Variants in NEURL1B observed in about 807,000 individuals in gnomAD.
The protein encoded by NEURL1B is neuralized E3 ubiquitin protein ligase 1B, also known as E3 ubiquitin-protein ligase NEURL1B.
NEURL1B carries 13 observed loss-of-function variants against 37.4 expected under a neutral mutation model. The ratio of observed to expected loss-of-function variants is 0.35; its 90% confidence interval spans 0.23 to 0.55. The LOEUF is 0.55. NEURL1B is among the 20% of genes least tolerant of loss of function. The pLI, the probability that NEURL1B is intolerant of heterozygous loss-of-function variation, is 0.89. For missense variants in NEURL1B, 790 were observed against 879.2 expected (o/e 0.90, Z 1.28); for synonymous variants, 432 against 426.6 (o/e 1.01, Z -0.16).
intron 2 of NEURL1B, among the ~76,000 whole-genome samples, chr5:172,682,511 G>A (rs1758375001): frequency 6.6e-6 from 1 of 152,240 alleles, no homozygotes; most frequent in Non-Finnish European, 1.5e-5. Flanking sequence ...AGGAGGCAGA[G>A]GTTGCAGTGA....
Position 172,683,894 on chromosome 5 carries a change from G to A in NEURL1B, c.1053G>A (p.Arg351=). ...GITSCDPGVL[R]PNELPADPDA... is the part of the protein sequence containing the mutation. Reference sequence around the variant, plus strand: ...CGTCGTGCGACCCGGGCGTGCTACGGCCCAACGAGCTGCCCGCCGACCCAG... The same window carrying A: ...CGTCGTGCGACCCGGGCGTGCTACGACCCAACGAGCTGCCCGCCGACCCAG... The change falls in exon 3 of 5, where the codon CGG becomes CGA. Residue 351 remains arginine (R), a synonymous_variant. Coordinates refer to ENST00000369800, the MANE Select transcript of NEURL1B (RefSeq NM_001142651.3). The surrounding 1 kb of genome is among the most constrained non-coding windows in gnomAD (Gnocchi z 5.6). The A allele has an allele frequency of 1.4e-6, 2 of 1,414,882 alleles. No individual in the cohort carries two copies. Among genetic ancestry groups the A allele is most frequent in the Non-Finnish European group, 1.9e-6 (2 of 1,079,540 alleles). 87.6% of individuals were successfully genotyped at this position (1,414,882 alleles called of 1,614,324 possible). A position where few individuals can be genotyped will look rare whatever the true frequency, so the allele number is the denominator to read the frequency against.
chr5:172,641,510 G>A lies in NEURL1B; in HGVS notation c.31+73G>A. 29 of 1,187,356 alleles carry A rather than the reference G, an allele frequency of 2.4e-5. No individual in the cohort carries two copies. The highest frequency in any genetic ancestry group is 3.1e-5 in the Non-Finnish European group (29 of 941,306). The allele number at this position is 1,187,356 out of a possible 1,614,324, so 73.6% of individuals were successfully genotyped here. On this transcript the variant is annotated intron_variant, in intron 1 of 4. Transcript: ENST00000369800. The surrounding 1 kb of genome is among the most constrained non-coding windows in gnomAD (Gnocchi z 6.4). Reference sequence around the variant, plus strand: ...TCCGGGGGACCCGCTGGGTGACTCTGGAGAGCTACCCCACGGCCCTTGGAG... The same window carrying A: ...TCCGGGGGACCCGCTGGGTGACTCTAGAGAGCTACCCCACGGCCCTTGGAG...
intron 1 of NEURL1B, among the ~76,000 whole-genome samples, chr5:172,652,722 G>C (rs1757690389): frequency 6.6e-6 from 1 of 152,234 alleles, no homozygotes; most frequent in African/African-American, 2.4e-5. Flanking sequence ...CTTTTCTGAA[G>C]CAGAGAGCTG....
At position 172,650,634 on chromosome 5, in the gene NEURL1B, G is replaced by A. The variant is rs117797107; in HGVS notation, c.31+9197G>A. 3.9e-3 allele frequency among the ~76,000 whole-genome samples: 596 copies of A among 152,268 alleles called. 13 individuals carry two copies. Among genetic ancestry groups the A allele is most frequent in the East Asian group, 0.036 (186 of 5,190 alleles). On this transcript the variant is annotated intron_variant, in intron 1 of 4. Coordinates refer to ENST00000369800, the MANE Select transcript of NEURL1B (RefSeq NM_001142651.3). ...GTGTTATACACAAAGTTTTGGTGCCGCAAAAGGAATAGCACTCAAATATAC... is the reference window on the plus strand; with the variant it reads ...GTGTTATACACAAAGTTTTGGTGCCACAAAAGGAATAGCACTCAAATATAC...
chr5:172,655,003 CCT>C (rs1025881002), intron 1 of NEURL1B, among the ~76,000 whole-genome samples: 2 of 151,482 alleles, frequency 1.3e-5, no homozygotes, highest in Non-Finnish European at 2.9e-5. Context: ...CTCTCTTTCC[CCT>C]CTCTCTTTTT....
At chr5:172,660,820 A>C (rs983838786) in intron 1 of NEURL1B, among the ~76,000 whole-genome samples, 1 of 152,120 alleles carries the variant, frequency 6.6e-6, no homozygotes, top group Non-Finnish European at 1.5e-5. Context: ...TTGTATTTTT[A>C]GCAAAGGCAG....
At chr5:172,668,556 C>A (rs1023788262) in intron 1 of NEURL1B, among the ~76,000 whole-genome samples, 3 of 152,210 alleles carry the variant, frequency 2.0e-5, no homozygotes, top group South Asian at 2.1e-4. Flanking sequence ...CAAACCCCCC[C>A]ACTTCCACTC....
In NEURL1B at chr5:172,690,035, A is replaced by G. The variant is rs111758193; in HGVS notation, c.*3110A>G. On this transcript the variant is annotated 3_prime_UTR_variant, in exon 5 of 5. Coordinates refer to ENST00000369800, the MANE Select transcript of NEURL1B (RefSeq NM_001142651.3). Reference sequence around the variant, plus strand: ...TCACCACCCCCTCAAGCGGGGCCCCAGCCCCCTGAGCACCCCCTCACGTGA... The same window carrying G: ...TCACCACCCCCTCAAGCGGGGCCCCGGCCCCCTGAGCACCCCCTCACGTGA... 9,666 of 152,360 alleles carry G rather than the reference A, an allele frequency of 0.063. 828 individuals carry two copies. Among genetic ancestry groups the G allele is most frequent in the African/African-American group, 0.19 (7,932 of 41,508 alleles). 9.4% of individuals were successfully genotyped at this position (152,360 alleles called of 1,614,324 possible). A position where few individuals can be genotyped will look rare whatever the true frequency, so the allele number is the denominator to read the frequency against.
chr5:172,655,900 A>G (rs1757767211), intron 1 of NEURL1B, among the ~76,000 whole-genome samples: 1 of 152,118 alleles, frequency 6.6e-6, no homozygotes, highest in South Asian at 2.1e-4. Flanking sequence ...CCAAATTGTT[A>G]TATATAAAGT....
At position 172,686,721 on chromosome 5, in the gene NEURL1B, C is replaced by T. The variant is rs1251990779; in HGVS notation, c.1464C>T (p.Pro488=). ...CCCCGCTGAGCCCCCCGGTGTCCCC[C>T]GTGTTCTCCCCACCGGAGCCGGCAG... ...PSSPLSPPVS[P]VFSPPEPAGI... is the part of the protein sequence containing the mutation. Residue 488 remains proline, a synonymous_variant, in exon 5 of 5, where the codon CCC becomes CCT. Transcript: ENST00000369800. The surrounding 1 kb of genome is among the most constrained non-coding windows in gnomAD (Gnocchi z 7.9). The T allele has an allele frequency of 1.3e-5, 20 of 1,551,084 alleles. No individual in the cohort carries two copies. Among genetic ancestry groups the T allele is most frequent in the East Asian group, 2.4e-5 (1 of 40,914 alleles).
Position 172,687,032 on chromosome 5 carries a change from T to G in NEURL1B, c.*107T>G. ...GGAGTCCACGGGCAGCGGCCATCTC[T>G]CCAGTGGTGGGCAAGGTGTGACAGT... On this transcript the variant is annotated 3_prime_UTR_variant, in exon 5 of 5. Transcript: ENST00000369800. 3 of 1,303,696 alleles carry G rather than the reference T, an allele frequency of 2.3e-6. No homozygotes were observed. The highest frequency in any genetic ancestry group is 3.1e-6 in the Non-Finnish European group (3 of 961,276). 80.8% of individuals were successfully genotyped at this position (1,303,696 alleles called of 1,614,324 possible).
intron 1 of NEURL1B, among the ~76,000 whole-genome samples, chr5:172,667,705 C>T (rs1758042494): frequency 6.6e-6 from 1 of 152,114 alleles, no homozygotes; most frequent in Admixed American, 6.5e-5. Context: ...GCCCCAGCAT[C>T]CTTGCCACCG....
chr5:172,688,443 G>A lies in NEURL1B; in HGVS notation c.*1518G>A, dbSNP rs1392181500. On this transcript the variant is annotated 3_prime_UTR_variant, in exon 5 of 5. Transcript: ENST00000369800. This position sits in a 1 kb window ranked among gnomAD's most constrained non-coding sequence, Gnocchi z 4.3. ...CTGCTGAAGGAGGGAAGGAGGGAGA[G>A]GAAGGCAGGGGAGTTGATGCATTCA... is the stretch of plus-strand genomic sequence containing the variant. 6.6e-6 allele frequency: 1 copy of A among 152,546 alleles called. No homozygotes were observed. Among genetic ancestry groups the A allele is most frequent in the Non-Finnish European group, 1.5e-5 (1 of 68,162 alleles). The allele number at this position is 152,546 out of a possible 1,614,324, so 9.4% of individuals were successfully genotyped here.
At chr5:172,679,709 G>T (rs1025993855) in intron 2 of NEURL1B, among the ~76,000 whole-genome samples, 1 of 152,242 alleles carries the variant, frequency 6.6e-6, no homozygotes, top group African/African-American at 2.4e-5. Flanking sequence ...TTATAACCCA[G>T]CCTTGTAGAC....
intron 2 of NEURL1B, among the ~76,000 whole-genome samples, chr5:172,680,419 C>CG (rs146807430): frequency 0.092 from 13,844 of 149,810 alleles, 709 homozygotes; most frequent in Non-Finnish European, 0.11. Flanking sequence ...GGAGAGTTGG[C>CG]GGGGGGGAAG....
intron 1 of NEURL1B, among the ~76,000 whole-genome samples, chr5:172,646,269 G>A (rs1757558219): frequency 6.6e-6 from 1 of 152,208 alleles, no homozygotes; most frequent in South Asian, 2.1e-4. Flanking sequence ...GGGAGACTAG[G>A]GGTAGCTCCT....
intron 2 of NEURL1B, among the ~76,000 whole-genome samples, chr5:172,681,477 C>T (rs896293753): frequency 2.0e-5 from 3 of 152,212 alleles, no homozygotes; most frequent in African/African-American, 4.8e-5. Context: ...GAAGCACCCT[C>T]GCTAAGGCAA....
chr5:172,660,307 T>C (rs1278992566), intron 1 of NEURL1B, among the ~76,000 whole-genome samples: 1 of 152,224 alleles, frequency 6.6e-6, no homozygotes, highest in Non-Finnish European at 1.5e-5. Flanking sequence ...GGCGTCGGGA[T>C]GACCTCACCC....
rs191925063 is a variant in NEURL1B, at chr5:172,645,882, C to A, written c.31+4445C>A. ...GGGAAAGTCAGCACCCAACACTCCACGCAAGGCCTGGCCACCAGACCATGT... is the reference window on the plus strand; with the variant it reads ...GGGAAAGTCAGCACCCAACACTCCAAGCAAGGCCTGGCCACCAGACCATGT... On this transcript the variant is annotated intron_variant, in intron 1 of 4. Coordinates refer to ENST00000369800, the MANE Select transcript of NEURL1B (RefSeq NM_001142651.3). 8.5e-5 allele frequency among the ~76,000 whole-genome samples: 13 copies of A among 152,308 alleles called. No individual in the cohort carries two copies. The East Asian group carries it at 2.5e-3, about 29-fold the overall frequency.
Sources: allele counts gnomAD v4.1 joint callset (sites outside exome capture counted in the v4.1 genomes callset), GRCh38; gene constraint gnomAD v4.1.1; non-coding constraint Gnocchi (gnomAD v3.1); transcripts MANE v1.5; gene names NCBI Gene and HGNC (gene_info 2026-07-23, HGNC 2026-07-21).